The following CSMD1 variants were observed in gnomAD, a reference collection of about 807,000 sequenced individuals.
CSMD1 encodes the protein CUB and Sushi multiple domains 1.
Under a neutral mutation model 417.5 loss-of-function variants are expected in CSMD1, and 213 were observed. The ratio of observed to expected loss-of-function variants is 0.51; its 90% CI spans 0.46 to 0.57. CSMD1 has a LOEUF of 0.57. Ranked by LOEUF, CSMD1 falls within the 20% of genes least tolerant of loss-of-function variation. The probability of loss-of-function intolerance (pLI) is 0.00; values close to 1 mark genes in which losing one functional copy is unlikely to be tolerated. For synonymous variants in CSMD1, 2,862 were observed against 1,736.8 expected, an observed-to-expected ratio of 1.65 and a Z score of -16.11; for missense variants, 6,923 against 4,529.7, an observed-to-expected ratio of 1.53 and a Z score of -15.17.
At chr8:4,644,911 G>T (rs1803426812) in intron 1 of CSMD1, among the ~76,000 whole-genome samples, 2 of 152,226 alleles carry the variant, frequency 1.3e-5, no homozygotes, top group Admixed American at 6.5e-5. Flanking sequence ...GAGTTTGAGT[G>T]CATGTGTGGG....
intron 10 of CSMD1, among the ~76,000 whole-genome samples, chr8:3,570,703 T>G (rs1470382132): frequency 6.6e-6 from 1 of 152,200 alleles, no homozygotes; most frequent in Non-Finnish European, 1.5e-5. Context: ...TTGGCTCTTC[T>G]GTTAGTTACA....
intron 3 of CSMD1, among the ~76,000 whole-genome samples, chr8:4,225,503 C>CT (rs11356680): frequency 0.35 from 49,516 of 141,476 alleles, 8,686 homozygotes; most frequent in South Asian, 0.47. Context: ...CAACTCATCA[C>CT]TTTTTTTTTT....
In CSMD1 at chr8:3,158,070, T is replaced by C. The variant is rs374754330; in HGVS notation, c.5845-104A>G. 6.8e-4 allele frequency: 665 copies of C among 978,160 alleles called. 12 individuals are homozygous for C. In the South Asian group the frequency reaches 9.7e-3, roughly 14 times the overall value. The allele number at this position is 978,160 out of a possible 1,614,324, so 60.6% of individuals were successfully genotyped here. A position where few individuals can be genotyped will look rare whatever the true frequency, so the allele number is the denominator to read the frequency against. On this transcript the variant is annotated intron_variant, in intron 38 of 69. Coordinates refer to ENST00000635120, the MANE Select transcript of CSMD1 (RefSeq NM_033225.6). ...ATTTTTTCCTTTCTTGTTTTAATTA[T>C]AAATATTTGAAAATTCAAAAATTGT...
intron 3 of CSMD1, among the ~76,000 whole-genome samples, chr8:4,193,007 T>G (rs1799118496): frequency 6.6e-6 from 1 of 152,250 alleles, no homozygotes; most frequent in African/African-American, 2.4e-5. Context: ...CATATCTTTG[T>G]AACTCAGGAA....
chr8:3,679,521 C>A (rs1237921194), intron 7 of CSMD1, among the ~76,000 whole-genome samples: 1 of 152,028 alleles, frequency 6.6e-6, no homozygotes, highest in Non-Finnish European at 1.5e-5. Flanking sequence ...ACAGGAGCAC[C>A]CAGATTCATA....
At chr8:4,477,684 C>G (rs751850537) in intron 2 of CSMD1, among the ~76,000 whole-genome samples, 1 of 152,062 alleles carries the variant, frequency 6.6e-6, no homozygotes, top group South Asian at 2.1e-4. Flanking sequence ...AGGCATGTCC[C>G]CAAAGGATAG....
intron 3 of CSMD1, among the ~76,000 whole-genome samples, chr8:4,284,205 TA>T (rs1204869555): frequency 6.6e-6 from 1 of 152,056 alleles, no homozygotes; most frequent in Non-Finnish European, 1.5e-5. Flanking sequence ...CTATCTCTAC[TA>T]AAAATACAAA....
At chr8:4,755,637 A>C (rs910397268) in intron 1 of CSMD1, among the ~76,000 whole-genome samples, 2 of 152,196 alleles carry the variant, frequency 1.3e-5, no homozygotes, top group Non-Finnish European at 2.9e-5. Flanking sequence ...AGCCCCCAGA[A>C]TCTGCCAAAC....
chr8:3,406,039 G>A lies in CSMD1; in HGVS notation c.2254C>T (p.Pro752Ser), dbSNP rs905069076. Residue 752 changes from proline (P) to serine (S), a missense_variant, in exon 15 of 70, where the codon CCC (proline) becomes TCC (serine). Pro to Ser is a moderately conservative substitution (Grantham distance 74). Coordinates refer to ENST00000635120, the MANE Select transcript of CSMD1 (RefSeq NM_033225.6). ...DGNVVWSSTV[P>S]RCEAPCGGHL... ...GCAGGGACTGCACCTTCACAGCGGG[G>A]CACGGTGGAGCTCCAGACCACGTTC... is the stretch of plus-strand genomic sequence containing the variant. The A allele has an allele frequency of 6.2e-7, 1 of 1,613,790 alleles. No individual in the cohort carries two copies. Among genetic ancestry groups the A allele is most frequent in the Non-Finnish European group, 8.5e-7 (1 of 1,179,800 alleles).
rs73188907 is a variant in CSMD1, at chr8:3,753,152, C to G, written c.931+778G>C. On this transcript the variant is annotated intron_variant, in intron 6 of 69. Coordinates refer to ENST00000635120, the MANE Select transcript of CSMD1 (RefSeq NM_033225.6). ...TCAGCGAATGCTACCTTAATGGGGTCAACGTTCTCATCGTCACAATGTGGG... is the reference window on the plus strand; with the variant it reads ...TCAGCGAATGCTACCTTAATGGGGTGAACGTTCTCATCGTCACAATGTGGG... 1.5e-3 allele frequency among the ~76,000 whole-genome samples: 224 copies of G among 152,258 alleles called. 1 individual carries two copies. The highest frequency in any genetic ancestry group is 2.2e-3 in the Non-Finnish European group (148 of 68,024).
At chr8:3,206,307 T>C (rs531420849) in intron 30 of CSMD1, among the ~76,000 whole-genome samples, 19 of 129,078 alleles carry the variant, frequency 1.5e-4, no homozygotes, top group Non-Finnish European at 2.1e-4. Flanking sequence ...GGGGTGTGTG[T>C]GTATCTGTGT....
chr8:3,597,197 G>T (rs1432099558), intron 8 of CSMD1, among the ~76,000 whole-genome samples: 1 of 152,152 alleles, frequency 6.6e-6, no homozygotes, highest in African/African-American at 2.4e-5. Context: ...AGGGGACACA[G>T]GAACTGAGAG....
chr8:4,501,744 T>C (rs1218855839), intron 2 of CSMD1, among the ~76,000 whole-genome samples: 16 of 152,204 alleles, frequency 1.1e-4, no homozygotes, highest in Non-Finnish European at 7.3e-5. Flanking sequence ...TTCAGACTCA[T>C]GGTTGCAGTA....
chr8:3,948,761 T>C (rs1811411381), intron 5 of CSMD1, among the ~76,000 whole-genome samples: 1 of 152,194 alleles, frequency 6.6e-6, no homozygotes. Context: ...AAGATGAGCA[T>C]TTCTTCAATA....
At chr8:4,060,061 C>A (rs1300475514) in intron 3 of CSMD1, among the ~76,000 whole-genome samples, 4 of 152,122 alleles carry the variant, frequency 2.6e-5, no homozygotes, top group African/African-American at 9.7e-5. Flanking sequence ...ACTGGCAAAC[C>A]GAATCCAGCA....
intron 1 of CSMD1, among the ~76,000 whole-genome samples, chr8:4,993,724 G>A (rs375950333): frequency 6.6e-6 from 1 of 152,344 alleles, no homozygotes; most frequent in African/African-American, 2.4e-5. Context: ...AAGTCCGGGG[G>A]AGAGGAAAGC....
At chr8:3,291,335 C>G (rs776725422) in intron 25 of CSMD1, among the ~76,000 whole-genome samples, 1 of 134,568 alleles carries the variant, frequency 7.4e-6, no homozygotes, top group East Asian at 2.0e-4. Context: ...TGATGCTGGC[C>G]CCATAAAATA....
At chr8:3,245,867 A>T (rs1456009036) in intron 26 of CSMD1, among the ~76,000 whole-genome samples, 3 of 152,006 alleles carry the variant, frequency 2.0e-5, no homozygotes, top group Non-Finnish European at 4.4e-5. Flanking sequence ...AATGAAAGAG[A>T]TTTCTTTGCA....
intron 20 of CSMD1, among the ~76,000 whole-genome samples, chr8:3,362,181 C>G (rs1299639130): frequency 3.9e-5 from 6 of 152,260 alleles, no homozygotes; most frequent in African/African-American, 1.4e-4. Flanking sequence ...ACTAACAACA[C>G]CAATCTCTGG....
Sources: allele counts gnomAD v4.1 joint callset (sites outside exome capture counted in the v4.1 genomes callset), GRCh38; gene constraint gnomAD v4.1.1; transcripts MANE v1.5; gene names NCBI Gene and HGNC (gene_info 2026-07-23, HGNC 2026-07-21).